PCNX2: variants seen among roughly 807,000 people sequenced by gnomAD.
PCNX2 encodes the protein pecanex-like protein 2.
In PCNX2, 168 loss-of-function variants were observed where a neutral mutation model predicts 223.8. That is an observed-to-expected ratio of 0.75 (90% CI 0.66 to 0.85). PCNX2 has a LOEUF of 0.85. PCNX2 is among the 40% of genes least tolerant of loss of function. The pLI is 0.00. For missense variants in PCNX2, 2,507 were observed against 2,675.5 expected, an observed-to-expected ratio of 0.94 and a Z score of 1.39; for synonymous variants, 1,006 against 1,052.6, an observed-to-expected ratio of 0.96 and a Z score of 0.86.
At chr1:233,117,481 A>G (rs951211060) in intron 21 of PCNX2, among the ~76,000 whole-genome samples, 3 of 151,554 alleles carry the variant, frequency 2.0e-5, no homozygotes, top group Admixed American at 1.3e-4. Flanking sequence ...AATACAAAAA[A>G]TTAGCCGTAT....
chr1:233,272,989 T>A (rs544331603), intron 1 of PCNX2, among the ~76,000 whole-genome samples: 96 of 151,918 alleles, frequency 6.3e-4, no homozygotes, highest in Non-Finnish European at 9.3e-4. Context: ...CTCTGGGGAC[T>A]TGGGGGAAAG....
At chr1:233,117,088 C>T (rs2102985919) in intron 21 of PCNX2, among the ~76,000 whole-genome samples, 1 of 152,172 alleles carries the variant, frequency 6.6e-6, no homozygotes, top group African/African-American at 2.4e-5. Flanking sequence ...TCAGAAAACC[C>T]AATATGAAAT....
At position 233,054,299 on chromosome 1, in the gene PCNX2, G is replaced by A. The variant is rs1360042702; in HGVS notation, c.4320C>T (p.Val1440=). ...VHLIEIGNGL[V]TFQLRGLEFR... is the part of the protein sequence containing the mutation. ...ATTCCAGTCCTCGAAGTTGAAAGGT[G>A]ACAAGACCATTTCCAATTTCAATCA... The change falls in exon 25 of 34, where the codon GTC becomes GTT. Residue 1440 remains valine, a synonymous_variant. Coordinates refer to ENST00000258229, the MANE Select transcript of PCNX2 (RefSeq NM_014801.4). The A allele has an allele frequency of 6.2e-7, 1 of 1,613,862 alleles. No homozygotes were observed. Among genetic ancestry groups the A allele is most frequent in the South Asian group, 1.1e-5 (1 of 91,046 alleles).
intron 10 of PCNX2, among the ~76,000 whole-genome samples, chr1:233,218,535 C>T (rs915335806): frequency 6.6e-6 from 1 of 152,026 alleles, no homozygotes; most frequent in Non-Finnish European, 1.5e-5. Context: ...CAGGCGTGAG[C>T]CACCGTGCCC....
At position 233,271,622 on chromosome 1, in the gene PCNX2, CTT is replaced by C. The variant is rs375716138; in HGVS notation, c.154-8461_154-8460del. ...TTAAAATCAGGTCTTAGGTTTAAGT[CTT>C]TGATCCATCTTGAGTTGATTTTTGT... On this transcript the variant is annotated intron_variant, in intron 1 of 33. Coordinates refer to ENST00000258229, the MANE Select transcript of PCNX2 (RefSeq NM_014801.4). Among the ~76,000 whole-genome samples, 659 of 152,298 alleles carry C rather than the reference CTT, an allele frequency of 4.3e-3. 4 individuals carry two copies. Among genetic ancestry groups the C allele is most frequent in the African/African-American group, 0.015 (642 of 41,568 alleles).
chr1:233,211,018 G>T (rs758335049), intron 12 of PCNX2, among the ~76,000 whole-genome samples: 9 of 152,226 alleles, frequency 5.9e-5, no homozygotes, highest in Non-Finnish European at 1.0e-4. Context: ...GGTGCCTGTG[G>T]CTAAGTGACG....
In PCNX2 at chr1:233,033,973, G is replaced by A. The variant is rs1671356979; in HGVS notation, c.4352-8574C>T. Among the ~76,000 whole-genome samples the A allele has an allele frequency of 1.3e-5, 2 of 152,164 alleles. 1 individual carries two copies. The highest frequency in any genetic ancestry group is 4.1e-4 in the South Asian group (2 of 4,830). ...TCACACCTGTAATCCCAGCACTTTGGGAGGCTGAGGCAGGTGGATCATGAG... is the reference window on the plus strand; with the variant it reads ...TCACACCTGTAATCCCAGCACTTTGAGAGGCTGAGGCAGGTGGATCATGAG... On this transcript the variant is annotated intron_variant, in intron 25 of 33. Coordinates refer to ENST00000258229, the MANE Select transcript of PCNX2 (RefSeq NM_014801.4).
chr1:233,112,893 C>A, intron 21 of PCNX2: 1 of 1,289,232 alleles, frequency 7.8e-7, no homozygotes, highest in Non-Finnish European at 1.0e-6. Flanking sequence ...TTCAGCCCCT[C>A]CCATGAGATG....
At position 233,222,944 on chromosome 1, in the gene PCNX2, T is replaced by C. The variant is rs1047435657; in HGVS notation, c.2504+4282A>G. On this transcript the variant is annotated intron_variant, in intron 10 of 33. Transcript: ENST00000258229. ...CTGGAATTCAGGAGATGAGTCCAAGTTGGTGATATAAATCCGAGTGTCACT... is the reference window on the plus strand; with the variant it reads ...CTGGAATTCAGGAGATGAGTCCAAGCTGGTGATATAAATCCGAGTGTCACT... Among the ~76,000 whole-genome samples, 5 of 152,254 alleles carry C rather than the reference T, an allele frequency of 3.3e-5. No homozygotes were observed. In the East Asian group the frequency reaches 5.8e-4, roughly 18 times the overall value.
At chr1:233,082,217 G>A (rs1673395222) in intron 23 of PCNX2, among the ~76,000 whole-genome samples, 1 of 152,098 alleles carries the variant, frequency 6.6e-6, no homozygotes, top group Non-Finnish European at 1.5e-5. Context: ...TGTTAGGACT[G>A]GAATGAATAT....
chr1:233,216,596 G>A (rs1257571979), intron 12 of PCNX2, among the ~76,000 whole-genome samples: 1 of 152,078 alleles, frequency 6.6e-6, no homozygotes, highest in African/African-American at 2.4e-5. Flanking sequence ...CTGCTAGGGG[G>A]TACAGAAATC....
chr1:233,279,077 A>C (rs1257149979), intron 1 of PCNX2, among the ~76,000 whole-genome samples: 5 of 152,230 alleles, frequency 3.3e-5, no homozygotes. Flanking sequence ...CTTTTAAAAG[A>C]AAATGGAATT....
chr1:233,282,508 T>C (rs1661243351), intron 1 of PCNX2, among the ~76,000 whole-genome samples: 1 of 152,164 alleles, frequency 6.6e-6, no homozygotes, highest in South Asian at 2.1e-4. Context: ...TCTTTCATCC[T>C]TCATCTCAGT....
At chr1:233,194,435 G>C (rs1236803185) in intron 15 of PCNX2, among the ~76,000 whole-genome samples, 1 of 149,976 alleles carries the variant, frequency 6.7e-6, no homozygotes, top group Non-Finnish European at 1.5e-5. Flanking sequence ...GCAGAAAGAT[G>C]AATCTACACA....
chr1:233,313,639 C>T, the PCNX2 span, among the ~76,000 whole-genome samples: 3 of 151,914 alleles, frequency 2.0e-5, no homozygotes, highest in Admixed American at 1.3e-4. Flanking sequence ...AAAATCTAGA[C>T]AAATCAGGAA....
the PCNX2 span, among the ~76,000 whole-genome samples, chr1:233,307,295 A>G: frequency 6.6e-6 from 1 of 152,222 alleles, no homozygotes; most frequent in African/African-American, 2.4e-5. Context: ...CAGATCCCTC[A>G]TGAATGGCTT....
chr1:233,014,844 A>G, intron 27 of PCNX2, 67 bp from the exon 28 acceptor site: 1 of 1,281,288 alleles, frequency 7.8e-7, no homozygotes, highest in Admixed American at 1.7e-5. Flanking sequence ...ACAGGCATAA[A>G]TGTAGAGTGA....
chr1:233,189,594 T>C (rs1049683424), intron 15 of PCNX2, among the ~76,000 whole-genome samples: 3 of 152,184 alleles, frequency 2.0e-5, no homozygotes, highest in African/African-American at 7.2e-5. Context: ...GAGTTTGTTT[T>C]ACATTTACAA....
At chr1:232,987,824 A>T (rs1490487381) in intron 32 of PCNX2, among the ~76,000 whole-genome samples, 1 of 152,182 alleles carries the variant, frequency 6.6e-6, no homozygotes, top group African/African-American at 2.4e-5. Context: ...CCACAGTGCC[A>T]GTTTGGATGC....
Sources: gnomAD v4.1 joint callset for allele counts (sites outside exome capture counted in the v4.1 genomes callset) on GRCh38, gnomAD v4.1.1 for gene constraint, MANE v1.5 for transcripts, NCBI Gene and HGNC (gene_info 2026-07-23, HGNC 2026-07-21) for gene names.